Variants in FBXO28 observed in about 807,000 individuals in gnomAD.
The protein encoded by FBXO28 is F-box only protein 28.
In FBXO28, 8 loss-of-function variants were observed where a neutral mutation model predicts 38.1. The ratio of observed to expected loss-of-function variants is 0.21; its 90% CI spans 0.12 to 0.38. FBXO28 has a LOEUF of 0.38. Ranked by LOEUF, FBXO28 falls within the 10% of genes least tolerant of loss-of-function variation. The probability of loss-of-function intolerance (pLI) is 1.00; values close to 1 mark genes in which losing one functional copy is unlikely to be tolerated. For synonymous variants in FBXO28, 168 were observed against 173.8 expected, an observed-to-expected ratio of 0.97 and a Z score of 0.26; for missense variants, 345 against 460.6, an observed-to-expected ratio of 0.75 and a Z score of 2.30.
At chr1:224,123,046 C>G (rs777588388) in intron 1 of FBXO28, among the ~76,000 whole-genome samples, 1 of 151,480 alleles carries the variant, frequency 6.6e-6, no homozygotes, top group African/African-American at 2.4e-5. Flanking sequence ...TTGGACAAAT[C>G]ACATAATTTC....
intron 3 of FBXO28, among the ~76,000 whole-genome samples, chr1:224,141,923 G>A (rs1014709872): frequency 2.0e-5 from 3 of 148,778 alleles, no homozygotes; most frequent in Non-Finnish European, 4.4e-5. Flanking sequence ...GGGTCTTGCT[G>A]AATCACCTAG....
At chr1:224,124,230 G>C (rs1656850481) in intron 1 of FBXO28, among the ~76,000 whole-genome samples, 1 of 152,172 alleles carries the variant, frequency 6.6e-6, no homozygotes, top group South Asian at 2.1e-4. Flanking sequence ...TAAAAACAAA[G>C]AAAATTTTTC....
intron 3 of FBXO28, among the ~76,000 whole-genome samples, chr1:224,143,668 CA>C (rs1017742752): frequency 6.6e-6 from 1 of 151,560 alleles, no homozygotes; most frequent in African/African-American, 2.4e-5. Context: ...ACTAAAAATA[CA>C]AAAAATAAAT....
chr1:224,134,052 T>TTTATTA lies in FBXO28; in HGVS notation c.378-8_378-3dup, dbSNP rs144729070. ...ATACTGCTTTAATGGTTGCCTTGCT[T>TTTATTA]TTATTATTATTATTATTATAGGAGA... is the stretch of plus-strand genomic sequence containing the variant. On this transcript the variant is annotated intron_variant, in intron 2 of 4. Transcript: ENST00000366862. The TTTATTA allele has an allele frequency of 2.1e-6, 3 of 1,452,290 alleles. No individual in the cohort carries two copies. In the African/African-American group the frequency reaches 4.4e-5, roughly 21 times the overall value. The allele number at this position is 1,452,290 out of a possible 1,614,324, so 90.0% of individuals were successfully genotyped here.
chr1:224,142,689 C>T (rs1657389299), intron 3 of FBXO28, among the ~76,000 whole-genome samples: 1 of 152,128 alleles, frequency 6.6e-6, no homozygotes, highest in Non-Finnish European at 1.5e-5. Flanking sequence ...GTGGCTCCCA[C>T]CTGTAATCCT....
chr1:224,129,416 G>C (rs1186818798), intron 1 of FBXO28, among the ~76,000 whole-genome samples: 2 of 152,340 alleles, frequency 1.3e-5, no homozygotes, highest in East Asian at 3.9e-4. Context: ...AGTTAAGCCA[G>C]ATCACTAGAA....
chr1:224,120,387 A>G (rs1162338300), intron 1 of FBXO28, among the ~76,000 whole-genome samples: 2 of 152,232 alleles, frequency 1.3e-5, no homozygotes, highest in East Asian at 3.8e-4. Flanking sequence ...AACTTTATGT[A>G]GGTAATATTT....
intron 1 of FBXO28, among the ~76,000 whole-genome samples, chr1:224,115,559 A>G (rs113892437): frequency 2.4e-3 from 372 of 152,156 alleles, no homozygotes; most frequent in African/African-American, 8.3e-3. Context: ...CTGATGGCCA[A>G]TTTTTTTTCT....
At chr1:224,127,881 TG>T (rs1656942425) in intron 1 of FBXO28, among the ~76,000 whole-genome samples, 1 of 152,218 alleles carries the variant, frequency 6.6e-6, no homozygotes, top group Non-Finnish European at 1.5e-5. Context: ...CACTTCAACC[TG>T]GGTGACAGCG....
At chr1:224,130,423 GTC>G in intron 1 of FBXO28, 47 bp from the exon 2 acceptor site, 1 of 1,228,222 alleles carries the variant, frequency 8.1e-7, no homozygotes, top group Non-Finnish European at 1.2e-6. Context: ...AGTCTCAGTT[GTC>G]TCTTATTAAT....
chr1:224,145,516 T>C (rs1657480071), intron 3 of FBXO28, among the ~76,000 whole-genome samples: 2 of 152,196 alleles, frequency 1.3e-5, no homozygotes, highest in Admixed American at 1.3e-4. Flanking sequence ...TACTAGGCGA[T>C]GGGAATTTTC....
intron 4 of FBXO28, among the ~76,000 whole-genome samples, chr1:224,156,500 A>G (rs1174654349): frequency 1.3e-5 from 2 of 152,158 alleles, no homozygotes; most frequent in Non-Finnish European, 2.9e-5. Flanking sequence ...ATTTTGGAAC[A>G]TTTGCATTAC....
intron 3 of FBXO28, among the ~76,000 whole-genome samples, chr1:224,148,775 A>G (rs1657571710): frequency 6.6e-6 from 1 of 152,152 alleles, no homozygotes; most frequent in African/African-American, 2.4e-5. Flanking sequence ...CTATCCATCC[A>G]CATCATCCCT....
Position 224,158,323 on chromosome 1 carries a change from A to G in FBXO28, c.*577A>G, listed in dbSNP as rs1657817794. On this transcript the variant is annotated 3_prime_UTR_variant, in exon 5 of 5. Coordinates refer to ENST00000366862, the MANE Select transcript of FBXO28 (RefSeq NM_015176.4). ...GGAGCCTCTACAATATTGACTATATATTTTTATAAACTACTGGCAAGGAAC... is the reference window on the plus strand; with the variant it reads ...GGAGCCTCTACAATATTGACTATATGTTTTTATAAACTACTGGCAAGGAAC... 1.5e-6 allele frequency: 1 copy of G among 689,438 alleles called. No homozygotes were observed. The highest frequency in any genetic ancestry group is 1.8e-6 in the Non-Finnish European group (1 of 559,698). 42.7% of individuals were successfully genotyped at this position (689,438 alleles called of 1,614,324 possible). A position where few individuals can be genotyped will look rare whatever the true frequency, so the allele number is the denominator to read the frequency against.
At chr1:224,149,314 T>C (rs1185308499) in intron 3 of FBXO28, among the ~76,000 whole-genome samples, 2 of 148,906 alleles carry the variant, frequency 1.3e-5, no homozygotes, top group Non-Finnish European at 3.0e-5. Flanking sequence ...CCCCATCACC[T>C]GGACTGATCA....
intron 2 of FBXO28, among the ~76,000 whole-genome samples, chr1:224,132,183 C>T (rs939295435): frequency 8.5e-5 from 13 of 152,104 alleles, no homozygotes; most frequent in Middle Eastern, 6.8e-3. Context: ...AACCCGTTGG[C>T]GGAAGTTTCA....
intron 1 of FBXO28, among the ~76,000 whole-genome samples, chr1:224,128,250 T>TA (rs924479218): frequency 2.0e-5 from 3 of 151,340 alleles, no homozygotes; most frequent in Admixed American, 6.6e-5. Flanking sequence ...TTATTATTTT[T>TA]TTTTATTTTA....
At chr1:224,136,730 GA>G (rs879608832) in intron 3 of FBXO28, among the ~76,000 whole-genome samples, 35 of 144,166 alleles carry the variant, frequency 2.4e-4, no homozygotes, top group African/African-American at 7.4e-4. Context: ...TTTGTCTCCA[GA>G]AAAAAAAAAA....
chr1:224,136,100 A>ATTTTTTTTTTTTTT (rs1558191323), intron 3 of FBXO28, among the ~76,000 whole-genome samples: 1 of 8,642 alleles, frequency 1.2e-4, no homozygotes, highest in African/African-American at 5.5e-4. Flanking sequence ...TGTTGACTTC[A>ATTTTTTTTTTTTTT]GTTTTTTTTT....
Sources: gnomAD v4.1 joint callset for allele counts (sites outside exome capture counted in the v4.1 genomes callset) on GRCh38, gnomAD v4.1.1 for gene constraint, MANE v1.5 for transcripts, NCBI Gene and HGNC (gene_info 2026-07-23, HGNC 2026-07-21) for gene names.